RGSL1: variants seen among roughly 807,000 people sequenced by gnomAD.
RGSL1 encodes the protein regulator of G protein signaling like 1, also known as regulator of G protein signaling protein-like.
In RGSL1, 97 loss-of-function variants were observed where a neutral mutation model predicts 124.7. The ratio of observed to expected loss-of-function variants is 0.78; its 90% confidence interval spans 0.66 to 0.92. The LOEUF is 0.92. RGSL1 is among the 40% of genes least tolerant of loss of function. RGSL1 has a pLI of 0.00. For synonymous variants in RGSL1, 424 were observed against 438.1 expected, an observed-to-expected ratio of 0.97 and a Z score of 0.40; for missense variants, 1,233 against 1,288.4, an observed-to-expected ratio of 0.96 and a Z score of 0.66.
At position 182,460,028 on chromosome 1, in the gene RGSL1, A is replaced by G. The variant is rs1652681614; in HGVS notation, c.196A>G (p.Thr66Ala). The change falls in exon 4 of 22, where the codon ACC (threonine) becomes GCC (alanine). Residue 66 changes from threonine to alanine, a missense_variant. Transcript: ENST00000294854. ...NLIAKYKGLL[T>A]WLEKCRLPFF... ...GATTGCCAAATACAAAGGGTTATTG[A>G]CCTGGTTGGAAAAATGCCGATTACC... 1 of 1,551,506 alleles carries G rather than the reference A, an allele frequency of 6.4e-7. No individual in the cohort carries two copies. Among genetic ancestry groups the G allele is most frequent in the African/African-American group, 1.4e-5 (1 of 73,028 alleles).
chr1:182,550,296 G>A (rs1660478247), intron 17 of RGSL1: 1 of 152,162 alleles, frequency 6.6e-6, no homozygotes, highest in Non-Finnish European at 1.5e-5. Flanking sequence ...AATAATGCAT[G>A]TGCGGCATAC....
chr1:182,543,179 C>T (rs187316896), intron 15 of RGSL1, among the ~76,000 whole-genome samples: 1 of 152,158 alleles, frequency 6.6e-6, no homozygotes, highest in East Asian at 1.9e-4. Context: ...ATGATGTTAG[C>T]TGTGGGTTTA....
chr1:182,528,225 C>G (rs1658899733), intron 11 of RGSL1, among the ~76,000 whole-genome samples: 1 of 152,044 alleles, frequency 6.6e-6, no homozygotes, highest in Non-Finnish European at 1.5e-5. Flanking sequence ...GGGAAACCAC[C>G]CCCATGATTC....
At chr1:182,526,418 G>A (rs1422254138) in intron 10 of RGSL1, among the ~76,000 whole-genome samples, 2 of 152,034 alleles carry the variant, frequency 1.3e-5, no homozygotes, top group African/African-American at 2.4e-5. Context: ...CTACAATCTC[G>A]GCACTATGGG....
intron 19 of RGSL1, 106 bp from the exon 20 acceptor site, chr1:182,554,521 G>A (rs1212621749): frequency 1.3e-5 from 11 of 872,790 alleles, no homozygotes; most frequent in Admixed American, 2.0e-5. Flanking sequence ...TACATTGGAG[G>A]TGTCCGTGGA....
chr1:182,546,348 T>C (rs1571705806), intron 15 of RGSL1, among the ~76,000 whole-genome samples: 1 of 31,546 alleles, frequency 3.2e-5, no homozygotes, highest in African/African-American at 1.0e-4. Context: ...TTTGTATACC[T>C]TTTTTTTTTT....
At chr1:182,540,511 T>TA (rs1470988521) in intron 15 of RGSL1, 90 bp downstream of exon 15, 15 of 1,202,176 alleles carry the variant, frequency 1.2e-5, no homozygotes, top group Non-Finnish European at 1.6e-5. Context: ...CTGTTAGAGA[T>TA]ACAGTGATTT....
At chr1:182,547,813 A>G (rs1366541538) in intron 15 of RGSL1, among the ~76,000 whole-genome samples, 1 of 152,154 alleles carries the variant, frequency 6.6e-6, no homozygotes, top group African/African-American at 2.4e-5. Flanking sequence ...GTGAGCCGAG[A>G]TCACACCACT....
chr1:182,458,481 TG>T, intron 3 of RGSL1, 88 bp downstream of exon 3: 1 of 1,154,464 alleles, frequency 8.7e-7, no homozygotes, highest in Non-Finnish European at 1.3e-6. Flanking sequence ...TTTTTGTTTT[TG>T]TTTTGGAGAT....
rs956847148 is a variant in RGSL1, at chr1:182,458,455, T to C, written c.171+62T>C. 5.2e-6 allele frequency: 7 copies of C among 1,353,480 alleles called. No individual in the cohort carries two copies. The African/African-American group carries it at 1.0e-4, about 20-fold the overall frequency. 83.8% of individuals were successfully genotyped at this position (1,353,480 alleles called of 1,614,324 possible). A position where few individuals can be genotyped will look rare whatever the true frequency, so the allele number is the denominator to read the frequency against. ...GGAGAATGAGGGAACTATAATTGTT[T>C]TTTGTTGTTAATTTGTTTTTGTTTT... On this transcript the variant is annotated intron_variant, in intron 3 of 21. Transcript: ENST00000294854.
intron 3 of RGSL1, 144 bp from the exon 4 acceptor site, chr1:182,459,860 A>G: frequency 2.1e-6 from 2 of 946,966 alleles, no homozygotes; most frequent in Admixed American, 6.8e-5. Context: ...TTCCAGGTTT[A>G]TAGAAATTGT....
chr1:182,506,489 C>T (rs1421303119), intron 9 of RGSL1, among the ~76,000 whole-genome samples: 2 of 120,452 alleles, frequency 1.7e-5, no homozygotes, highest in Non-Finnish European at 3.5e-5. Context: ...TAGAATAATT[C>T]TTTTTCTCTA....
rs184469608 is a variant in RGSL1 at position 182,462,788 on chromosome 1, T to A, written c.301+2655T>A. Among the ~76,000 whole-genome samples the A allele has an allele frequency of 2.4e-3, 360 of 152,298 alleles. 2 individuals are homozygous for A. The highest frequency in any genetic ancestry group is 0.017 in the Middle Eastern group (5 of 294). ...AGCTGATATAAATCAACTTAGAGTGTTATAAACTTACAATGTTAAATGTAA... is the reference window on the plus strand; with the variant it reads ...AGCTGATATAAATCAACTTAGAGTGATATAAACTTACAATGTTAAATGTAA... On this transcript the variant is annotated intron_variant, in intron 4 of 21. Transcript: ENST00000294854.
intron 15 of RGSL1, among the ~76,000 whole-genome samples, chr1:182,543,692 T>C (rs989685603): frequency 3.3e-5 from 5 of 152,052 alleles, no homozygotes; most frequent in Admixed American, 2.0e-4. Flanking sequence ...ACGGGAAACT[T>C]ATTATGGCTT....
At chr1:182,460,196 G>A in intron 4 of RGSL1, 63 bp downstream of exon 4, 1 of 1,483,422 alleles carries the variant, frequency 6.7e-7, no homozygotes, top group Non-Finnish European at 8.9e-7. Flanking sequence ...AGAAATATAG[G>A]AAGTCACACT....
chr1:182,513,368 GAA>G (rs975227627), intron 9 of RGSL1, among the ~76,000 whole-genome samples: 1 of 151,924 alleles, frequency 6.6e-6, no homozygotes, highest in African/African-American at 2.4e-5. Flanking sequence ...AGGTGAGAGA[GAA>G]AAAAAAGATT....
chr1:182,511,397 C>T (rs1034266382), intron 9 of RGSL1, among the ~76,000 whole-genome samples: 3 of 152,200 alleles, frequency 2.0e-5, no homozygotes, highest in Non-Finnish European at 4.4e-5. Context: ...CTCCCGACCT[C>T]AGGTGATCTG....
intron 4 of RGSL1, chr1:182,460,657 G>A (rs746059018): frequency 1.8e-5 from 8 of 456,014 alleles, no homozygotes; most frequent in South Asian, 1.2e-4. Flanking sequence ...AGTAATTGGT[G>A]GTGGTGCTGG....
chr1:182,508,234 G>C (rs1441847800), intron 9 of RGSL1, among the ~76,000 whole-genome samples: 1 of 148,774 alleles, frequency 6.7e-6, no homozygotes, highest in East Asian at 2.0e-4. Flanking sequence ...ACTAGGACGA[G>C]ATCATATCGC....
Sources: gnomAD v4.1 joint callset for allele counts (sites outside exome capture counted in the v4.1 genomes callset) on GRCh38, gnomAD v4.1.1 for gene constraint, MANE v1.5 for transcripts, NCBI Gene and HGNC (gene_info 2026-07-23, HGNC 2026-07-21) for gene names.